KCNIP4: variants seen among roughly 807,000 people sequenced by gnomAD.
KCNIP4 encodes potassium voltage-gated channel interacting protein 4, also known as Kv channel-interacting protein 4.
In KCNIP4, 12 loss-of-function variants were observed where a neutral mutation model predicts 34.0. The ratio of observed to expected loss-of-function variants is 0.35; its 90% CI spans 0.23 to 0.57. The LOEUF (loss-of-function observed/expected upper bound fraction) is 0.57. Among genes scored for constraint, KCNIP4 ranks in the 20% least tolerant of loss-of-function variants. KCNIP4 has a pLI of 0.83. For synonymous variants in KCNIP4, 124 were observed against 102.2 expected, an observed-to-expected ratio of 1.21 and a Z score of -1.29; for missense variants, 238 against 311.7, an observed-to-expected ratio of 0.76 and a Z score of 1.78.
chr4:21,506,589 TTTGAATAAA>T lies in KCNIP4; in HGVS notation c.61+441973_61+441981del, dbSNP rs1254223882. On this transcript the variant is annotated intron_variant, in intron 1 of 8. Transcript: ENST00000382152. ...ATCCATTCATGTTCCAACATGTTCT[TTTGAATAAA>T]TTCAGATGGTTTTCATTCATTTCTT... Among the ~76,000 whole-genome samples the T allele has an allele frequency of 2.0e-5, 3 of 152,234 alleles. 1 individual carries two copies. Among genetic ancestry groups the T allele is most frequent in the Non-Finnish European group, 1.5e-5 (1 of 68,036 alleles).
intron 1 of KCNIP4, among the ~76,000 whole-genome samples, chr4:21,380,464 AGAGAGAGAGAGG>A (rs1553873171): frequency 1.9e-5 from 2 of 107,322 alleles, no homozygotes; most frequent in East Asian, 2.7e-4. Context: ...AGGGGGAGAG[AGAGAGAGAGAGG>A]GAGAGAGAGA....
intron 1 of KCNIP4, among the ~76,000 whole-genome samples, chr4:21,382,232 A>T (rs1721574455): frequency 6.6e-6 from 1 of 152,178 alleles, no homozygotes; most frequent in African/African-American, 2.4e-5. Flanking sequence ...GCAGGCCATG[A>T]GCCCAGTGAG....
intron 3 of KCNIP4, among the ~76,000 whole-genome samples, chr4:20,843,189 T>G (rs1719955999): frequency 6.6e-6 from 1 of 152,154 alleles, no homozygotes; most frequent in Admixed American, 6.5e-5. Flanking sequence ...ATTTCAGGAA[T>G]GAGCCACCAT....
At chr4:21,555,073 G>A (rs1738894660) in intron 1 of KCNIP4, among the ~76,000 whole-genome samples, 1 of 152,138 alleles carries the variant, frequency 6.6e-6, no homozygotes, top group Non-Finnish European at 1.5e-5. Flanking sequence ...TTTTTTAACA[G>A]TTCACTAGAA....
Position 21,736,823 on chromosome 4 carries a change from T to C in KCNIP4, c.61+211748A>G, listed in dbSNP as rs573159282. On this transcript the variant is annotated intron_variant, in intron 1 of 8. Transcript: ENST00000382152. Reference sequence around the variant, plus strand: ...CCAGGGATTTGACACACAGTGTTCATTAAAAGCTTGCGCTCAATGTATATG... The same window carrying C: ...CCAGGGATTTGACACACAGTGTTCACTAAAAGCTTGCGCTCAATGTATATG... Among the ~76,000 whole-genome samples the C allele has an allele frequency of 2.0e-5, 3 of 152,326 alleles. No homozygotes were observed. In the East Asian group the frequency reaches 5.8e-4, roughly 29 times the overall value.
intron 1 of KCNIP4, among the ~76,000 whole-genome samples, chr4:21,284,703 C>A (rs1486095333): frequency 6.6e-6 from 1 of 151,674 alleles, no homozygotes; most frequent in African/African-American, 2.4e-5. Flanking sequence ...CTTAAATATA[C>A]CTGTTCCTGT....
At chr4:21,095,707 T>C (rs56347935) in intron 1 of KCNIP4, among the ~76,000 whole-genome samples, 24,190 of 152,116 alleles carry the variant, frequency 0.16, 2,012 homozygotes, top group East Asian at 0.23. Flanking sequence ...TTTTCTTTAG[T>C]TTTTCTTCTC....
intron 1 of KCNIP4, among the ~76,000 whole-genome samples, chr4:20,884,137 G>A (rs1448946958): frequency 1.3e-5 from 2 of 152,126 alleles, no homozygotes; most frequent in African/African-American, 4.8e-5. Context: ...TAAATGCCTG[G>A]CAAATGAGTA....
At chr4:21,937,462 T>C (rs922859093) in intron 1 of KCNIP4, among the ~76,000 whole-genome samples, 1 of 152,080 alleles carries the variant, frequency 6.6e-6, no homozygotes, top group African/African-American at 2.4e-5. Context: ...CTAATGGTAC[T>C]TCCTACACAG....
intron 1 of KCNIP4, among the ~76,000 whole-genome samples, chr4:21,513,312 A>G (rs1734488047): frequency 6.6e-6 from 1 of 152,194 alleles, no homozygotes; most frequent in Non-Finnish European, 1.5e-5. Context: ...CAGGCAAATA[A>G]CTTAACAGCT....
At chr4:21,418,077 T>C (rs1725127282) in intron 1 of KCNIP4, among the ~76,000 whole-genome samples, 1 of 152,146 alleles carries the variant, frequency 6.6e-6, no homozygotes, top group African/African-American at 2.4e-5. Context: ...TGTCCAGCCT[T>C]GATTTCTGTA....
chr4:21,581,233 A>T (rs1741176234), intron 1 of KCNIP4, among the ~76,000 whole-genome samples: 1 of 151,808 alleles, frequency 6.6e-6, no homozygotes, highest in Non-Finnish European at 1.5e-5. Flanking sequence ...AACAAGCAGG[A>T]GGTCTGTTAT....
Position 21,234,104 on chromosome 4 carries a change from T to C in KCNIP4, c.62-351395A>G, listed in dbSNP as rs1478054642. On this transcript the variant is annotated intron_variant, in intron 1 of 8. Transcript: ENST00000382152. ...TATAACGTATATTATATATAACATA[T>C]ATAACGTATATTATATATAACATAT... is the stretch of plus-strand genomic sequence containing the variant. Among the ~76,000 whole-genome samples, 3 of 114,504 alleles carry C rather than the reference T, an allele frequency of 2.6e-5. 1 individual carries two copies. The highest frequency in any genetic ancestry group is 1.2e-4 in the African/African-American group (3 of 24,460). The allele number at this position is 114,504 out of a possible 152,430, so 75.1% of individuals were successfully genotyped here. A position where few individuals can be genotyped will look rare whatever the true frequency, so the allele number is the denominator to read the frequency against.
At chr4:21,802,753 A>C (rs760186233) in intron 1 of KCNIP4, among the ~76,000 whole-genome samples, 1 of 152,208 alleles carries the variant, frequency 6.6e-6, no homozygotes, top group African/African-American at 2.4e-5. Context: ...AAAAAGCACA[A>C]AAATAAAGAC....
chr4:21,479,523 A>G (rs1731253754), intron 1 of KCNIP4, among the ~76,000 whole-genome samples: 1 of 152,178 alleles, frequency 6.6e-6, no homozygotes, highest in Admixed American at 6.6e-5. Context: ...GGTGGCTTCA[A>G]GAAGAAAGAT....
intron 3 of KCNIP4, among the ~76,000 whole-genome samples, chr4:20,809,478 G>A (rs1190414889): frequency 1.3e-5 from 2 of 152,092 alleles, no homozygotes; most frequent in African/African-American, 4.8e-5. Context: ...GTCGCATTCA[G>A]GAGTTTCTCT....
chr4:21,427,937 A>C (rs1159643518), intron 1 of KCNIP4, among the ~76,000 whole-genome samples: 2 of 152,220 alleles, frequency 1.3e-5, no homozygotes, highest in South Asian at 4.1e-4. Context: ...TTTTCATGGC[A>C]GCCAAAGTAA....
intron 1 of KCNIP4, among the ~76,000 whole-genome samples, chr4:21,934,039 A>G (rs1394287130): frequency 6.6e-6 from 1 of 152,110 alleles, no homozygotes; most frequent in African/African-American, 2.4e-5. Flanking sequence ...CATTGCTTAC[A>G]GTAATGTTAT....
chr4:21,489,607 T>A (rs16871190), intron 1 of KCNIP4, among the ~76,000 whole-genome samples: 7,505 of 152,212 alleles, frequency 0.049, 464 homozygotes, highest in East Asian at 0.14. Flanking sequence ...TATGCATTTG[T>A]GTTGTGTTCT....
Sources: allele counts gnomAD v4.1 joint callset (sites outside exome capture counted in the v4.1 genomes callset), GRCh38; gene constraint gnomAD v4.1.1; transcripts MANE v1.5; gene names NCBI Gene and HGNC (gene_info 2026-07-23, HGNC 2026-07-21).